Variants in CELF2 observed in about 807,000 individuals in gnomAD.
The protein encoded by CELF2 is CUGBP Elav-like family member 2.
A neutral mutation model predicts 62.6 loss-of-function variants in CELF2; 8 were observed. That is an observed-to-expected ratio of 0.13 (90% CI 0.07 to 0.23). The LOEUF (loss-of-function observed/expected upper bound fraction) is 0.23, where lower values mean the gene tolerates loss of function less well. Among genes scored for constraint, CELF2 ranks in the 10% least tolerant of loss-of-function variants. The pLI is 1.00. For synonymous variants in CELF2, 258 were observed against 250.0 expected (o/e 1.03, Z -0.30); for missense variants, 333 against 671.0 (o/e 0.50, Z 5.56).
intron 1 of CELF2, among the ~76,000 whole-genome samples, chr10:11,089,337 G>A (rs2047682747): frequency 6.6e-6 from 1 of 152,220 alleles, no homozygotes; most frequent in Non-Finnish European, 1.5e-5. Flanking sequence ...ATAGGATTTT[G>A]AAGGTGAAAA....
the CELF2 span, among the ~76,000 whole-genome samples, chr10:10,526,523 C>T: frequency 5.9e-5 from 9 of 152,112 alleles, no homozygotes; most frequent in Non-Finnish European, 1.3e-4. Flanking sequence ...TGACCTTATA[C>T]GCATCAGGTA....
the CELF2 span, among the ~76,000 whole-genome samples, chr10:10,698,119 G>A: frequency 8.5e-3 from 1,294 of 152,274 alleles, 7 homozygotes; most frequent in African/African-American, 0.012. Context: ...CTTAGCAGGT[G>A]GTGTGATAAC....
At chr10:10,924,415 C>T (rs986742719) in intron 2 of CELF2, among the ~76,000 whole-genome samples, 2 of 150,488 alleles carry the variant, frequency 1.3e-5, no homozygotes, top group Non-Finnish European at 3.0e-5. Context: ...TAACAGAGTC[C>T]ACTGTTTTTC....
At chr10:11,127,353 T>C (rs1222761620) in intron 1 of CELF2, among the ~76,000 whole-genome samples, 1 of 152,216 alleles carries the variant, frequency 6.6e-6, no homozygotes, top group African/African-American at 2.4e-5. Context: ...CCAGTAAACA[T>C]ACGTGTGCAT....
intron 1 of CELF2, among the ~76,000 whole-genome samples, chr10:11,089,251 G>A (rs2047649069): frequency 6.6e-6 from 1 of 152,194 alleles, no homozygotes. Flanking sequence ...ACACACAGTA[G>A]GCCACAGTGG....
At chr10:10,589,195 G>A in the CELF2 span, among the ~76,000 whole-genome samples, 4 of 152,156 alleles carry the variant, frequency 2.6e-5, no homozygotes, top group African/African-American at 4.8e-5. Flanking sequence ...AAGATTTTCC[G>A]CTGGGCAATT....
chr10:11,241,792 G>A (rs1441879691), intron 3 of CELF2, among the ~76,000 whole-genome samples: 5 of 152,168 alleles, frequency 3.3e-5, no homozygotes, highest in Non-Finnish European at 1.5e-5. Context: ...GTCTTCCTAT[G>A]TAATAGAAGG....
chr10:10,476,182 A>G, the CELF2 span, among the ~76,000 whole-genome samples: 2 of 150,448 alleles, frequency 1.3e-5, no homozygotes, highest in Non-Finnish European at 3.0e-5. Flanking sequence ...GTGTAATGCC[A>G]TTTGTGTTTA....
chr10:11,179,563 G>A (rs770979644), intron 2 of CELF2, among the ~76,000 whole-genome samples: 15 of 152,172 alleles, frequency 9.9e-5, no homozygotes, highest in Admixed American at 2.0e-4. Flanking sequence ...ACTATTCTGT[G>A]GAGCAGAGAC....
At chr10:10,675,307 T>A in the CELF2 span, among the ~76,000 whole-genome samples, 4 of 152,324 alleles carry the variant, frequency 2.6e-5, no homozygotes, top group East Asian at 7.7e-4. Flanking sequence ...ACTGTTTCAC[T>A]TGACTCTTTT....
intron 1 of CELF2, among the ~76,000 whole-genome samples, chr10:11,103,331 A>ATT (rs3054362): frequency 3.4e-5 from 5 of 145,346 alleles, no homozygotes; most frequent in African/African-American, 7.6e-5. Context: ...TACATTATGG[A>ATT]TTTTTTTTTT....
rs2055805960 is a variant in CELF2 at position 11,008,781 on chromosome 10, T to C, written c.53+3341T>C. 6.6e-6 allele frequency among the ~76,000 whole-genome samples: 1 copy of C among 152,186 alleles called. No individual in the cohort carries two copies. The highest frequency in any genetic ancestry group is 6.5e-5 in the Admixed American group (1 of 15,284). On this transcript the variant is annotated intron_variant, in intron 1 of 12. Coordinates refer to the CELF2 transcript ENST00000416382. The surrounding 1 kb of genome is among the most constrained non-coding windows in gnomAD (Gnocchi z 4.5). ...GGTTTTGTCATCATGGTAGTGAGCA[T>C]ATTAGAAATATCCCACTTAGATTTC... is the stretch of plus-strand genomic sequence containing the variant.
intron 2 of CELF2, among the ~76,000 whole-genome samples, chr10:10,924,488 G>A (rs2065258078): frequency 6.6e-6 from 1 of 152,030 alleles, no homozygotes; most frequent in Non-Finnish European, 1.5e-5. Context: ...AGTATCTTAA[G>A]TACTGCAGTA....
the CELF2 span, among the ~76,000 whole-genome samples, chr10:10,561,183 T>G: frequency 0.022 from 3,337 of 152,188 alleles, 130 homozygotes; most frequent in African/African-American, 0.075. Context: ...TTTTAAAAAT[T>G]TCCTCTTCTA....
the CELF2 span, among the ~76,000 whole-genome samples, chr10:10,613,035 C>A: frequency 6.6e-6 from 1 of 152,314 alleles, no homozygotes; most frequent in Non-Finnish European, 1.5e-5. Context: ...GGAAGTCAAG[C>A]AGCCTAAAGA....
At chr10:10,543,883 C>T in the CELF2 span, among the ~76,000 whole-genome samples, 1 of 152,176 alleles carries the variant, frequency 6.6e-6, no homozygotes, top group Non-Finnish European at 1.5e-5. Context: ...TAAACAAATT[C>T]AGCGCTAAGC....
chr10:11,141,714 A>G (rs1397703933), intron 1 of CELF2, among the ~76,000 whole-genome samples: 2 of 152,208 alleles, frequency 1.3e-5, no homozygotes, highest in African/African-American at 4.8e-5. Context: ...TTTCATGGTG[A>G]TGTGCCTTGA....
intron 2 of CELF2, among the ~76,000 whole-genome samples, chr10:10,929,861 A>G (rs1454100167): frequency 1.3e-5 from 2 of 152,216 alleles, no homozygotes; most frequent in Admixed American, 1.3e-4. Context: ...CAGTGCCTAG[A>G]TTGTTGCCTT....
chr10:10,553,383 A>G, the CELF2 span, among the ~76,000 whole-genome samples: 16,024 of 152,180 alleles, frequency 0.11, 1,309 homozygotes, highest in African/African-American at 0.23. Flanking sequence ...GCCTCTTCTT[A>G]TAAGGGCACT....
Sources: gnomAD v4.1 joint callset for allele counts (sites outside exome capture counted in the v4.1 genomes callset) on GRCh38, gnomAD v4.1.1 for gene constraint, Gnocchi (gnomAD v3.1) non-coding constraint, MANE v1.5 for transcripts, NCBI Gene and HGNC (gene_info 2026-07-23, HGNC 2026-07-21) for gene names.